Variants in DLGAP1 observed in about 807,000 individuals in gnomAD.
DLGAP1 encodes the protein disks large-associated protein 1.
A neutral mutation model predicts 90.8 loss-of-function variants in DLGAP1; 11 were observed. The observed-to-expected ratio is 0.12, with a 90% confidence interval of 0.08 to 0.20. The LOEUF (loss-of-function observed/expected upper bound fraction) is 0.20, where lower values mean the gene tolerates loss of function less well. Ranked by LOEUF, DLGAP1 falls within the 10% of genes least tolerant of loss-of-function variation. The pLI is 1.00. For missense variants in DLGAP1, 1,050 were observed against 1,333.8 expected (o/e 0.79, Z 3.31); for synonymous variants, 558 against 540.7 (o/e 1.03, Z -0.44).
At chr18:3,821,483 A>G (rs2067414667) in intron 4 of DLGAP1, among the ~76,000 whole-genome samples, 1 of 152,184 alleles carries the variant, frequency 6.6e-6, no homozygotes, top group Non-Finnish European at 1.5e-5. Context: ...CCCACTCAAC[A>G]GTCGTGGTTT....
chr18:3,572,601 C>T (rs557318251), intron 8 of DLGAP1, among the ~76,000 whole-genome samples: 2 of 152,276 alleles, frequency 1.3e-5, no homozygotes, highest in Admixed American at 1.3e-4. Flanking sequence ...AGGCATGTGC[C>T]ATCATGCCTG....
intron 7 of DLGAP1, among the ~76,000 whole-genome samples, chr18:3,674,050 C>T (rs2060198083): frequency 6.6e-6 from 1 of 151,994 alleles, no homozygotes. Context: ...CCATGTTGGC[C>T]AGGCTGGTCT....
At chr18:4,088,292 G>C (rs1219929439) in intron 2 of DLGAP1, among the ~76,000 whole-genome samples, 1 of 152,022 alleles carries the variant, frequency 6.6e-6, no homozygotes, top group Non-Finnish European at 1.5e-5. Context: ...TGCTGCTGTT[G>C]TCAAAAATTT....
At chr18:3,723,828 G>A (rs2062062668) in intron 7 of DLGAP1, among the ~76,000 whole-genome samples, 1 of 152,154 alleles carries the variant, frequency 6.6e-6, no homozygotes, top group Non-Finnish European at 1.5e-5. Flanking sequence ...TCTCAACTTA[G>A]AGGAAAATAT....
chr18:3,650,527 A>C (rs1285902865), intron 7 of DLGAP1, among the ~76,000 whole-genome samples: 1 of 152,220 alleles, frequency 6.6e-6, no homozygotes, highest in Non-Finnish European at 1.5e-5. Flanking sequence ...ACATCTGAGA[A>C]GAGAACATTC....
At chr18:3,774,856 T>G (rs1326914505) in intron 5 of DLGAP1, among the ~76,000 whole-genome samples, 3 of 152,074 alleles carry the variant, frequency 2.0e-5, no homozygotes, top group African/African-American at 7.2e-5. Flanking sequence ...GAAGTTGTTC[T>G]CTAAAGTTCC....
intron 3 of DLGAP1, among the ~76,000 whole-genome samples, chr18:3,994,599 A>G (rs1172218084): frequency 1.3e-5 from 2 of 152,242 alleles, no homozygotes; most frequent in African/African-American, 4.8e-5. Context: ...AGAGGACAGC[A>G]AACCATTTAT....
rs78777988 is a variant in DLGAP1, at chr18:4,084,130, G to C, written c.-159+67050C>G. Among the ~76,000 whole-genome samples the C allele has an allele frequency of 3.8e-3, 578 of 152,226 alleles. 3 individuals are homozygous for C. Among genetic ancestry groups the C allele is most frequent in the African/African-American group, 0.013 (538 of 41,530 alleles). Reference sequence around the variant, plus strand: ...CCAAACTCCTCAAAAAGATGGACTTGAGGTTTCCTCCCATCTCCTGTTTGA... The same window carrying C: ...CCAAACTCCTCAAAAAGATGGACTTCAGGTTTCCTCCCATCTCCTGTTTGA... On this transcript the variant is annotated intron_variant, in intron 2 of 12. Transcript: ENST00000315677. The surrounding 1 kb of genome is among the most constrained non-coding windows in gnomAD (Gnocchi z 4.0).
At chr18:4,409,270 ATTTT>A (rs1234391150) in intron 1 of DLGAP1, among the ~76,000 whole-genome samples, 3 of 152,058 alleles carry the variant, frequency 2.0e-5, no homozygotes, top group Admixed American at 2.0e-4. Flanking sequence ...ACTACAGTTA[ATTTT>A]TTTATTTATT....
At position 4,356,249 on chromosome 18, in the gene DLGAP1, A is replaced by T. The variant is rs548957845; in HGVS notation, c.-267+98757T>A. 3.3e-5 allele frequency among the ~76,000 whole-genome samples: 5 copies of T among 151,936 alleles called. No individual in the cohort carries two copies. In the East Asian group the frequency reaches 9.7e-4, roughly 30 times the overall value. ...TTCCCAGAGACCCATTCCCTTGGTA[A>T]ACTCATCCCGACCCCTAGGCTGAAA... On this transcript the variant is annotated intron_variant, in intron 1 of 12. Coordinates refer to ENST00000315677, the MANE Select transcript of DLGAP1 (RefSeq NM_004746.4).
At chr18:3,839,559 A>C (rs776029352) in intron 4 of DLGAP1, among the ~76,000 whole-genome samples, 1 of 152,190 alleles carries the variant, frequency 6.6e-6, no homozygotes, top group African/African-American at 2.4e-5. Context: ...AAACATGAGC[A>C]CATAAACAGG....
chr18:4,112,304 T>G (rs2075988706), intron 2 of DLGAP1, among the ~76,000 whole-genome samples: 2 of 152,156 alleles, frequency 1.3e-5, no homozygotes, highest in African/African-American at 4.8e-5. Flanking sequence ...TATTTTAATT[T>G]CTTTGAATTT....
chr18:3,570,097 T>C (rs2054679046), intron 8 of DLGAP1, among the ~76,000 whole-genome samples: 1 of 151,982 alleles, frequency 6.6e-6, no homozygotes, highest in Admixed American at 6.6e-5. Flanking sequence ...ATAGCCCAAG[T>C]GGGTAGTATG....
At chr18:3,852,450 A>G (rs1049704690) in intron 4 of DLGAP1, among the ~76,000 whole-genome samples, 16 of 152,196 alleles carry the variant, frequency 1.1e-4, no homozygotes. Flanking sequence ...CAGTATCAAG[A>G]CTCAAGGAAA....
chr18:4,405,895 A>G (rs28589387), intron 1 of DLGAP1, among the ~76,000 whole-genome samples: 9,372 of 152,262 alleles, frequency 0.062, 931 homozygotes, highest in African/African-American at 0.21. Flanking sequence ...AAGTACAAAC[A>G]AAGCAACTAA....
chr18:3,827,525 G>A (rs539240435), intron 4 of DLGAP1, among the ~76,000 whole-genome samples: 134 of 152,296 alleles, frequency 8.8e-4, no homozygotes, highest in Non-Finnish European at 1.7e-3. Flanking sequence ...GGATTCTGCT[G>A]TTCATGAATA....
intron 7 of DLGAP1, among the ~76,000 whole-genome samples, chr18:3,664,275 C>T (rs2059802873): frequency 2.0e-5 from 3 of 151,830 alleles, no homozygotes; most frequent in African/African-American, 4.8e-5. Flanking sequence ...GACTAATACA[C>T]CAACTTCTAG....
At chr18:4,435,354 T>G (rs1223022013) in intron 1 of DLGAP1, among the ~76,000 whole-genome samples, 1 of 152,230 alleles carries the variant, frequency 6.6e-6, no homozygotes, top group Admixed American at 6.5e-5. Context: ...GGATGATGTA[T>G]ATGAAACAGA....
At chr18:3,668,768 C>A (rs910285712) in intron 7 of DLGAP1, among the ~76,000 whole-genome samples, 3 of 152,128 alleles carry the variant, frequency 2.0e-5, no homozygotes, top group African/African-American at 7.2e-5. Flanking sequence ...GAGGCCGAGG[C>A]AGGCAGATCA....
Sources: gnomAD v4.1 joint callset for allele counts (sites outside exome capture counted in the v4.1 genomes callset) on GRCh38, gnomAD v4.1.1 for gene constraint, Gnocchi (gnomAD v3.1) non-coding constraint, MANE v1.5 for transcripts, NCBI Gene and HGNC (gene_info 2026-07-23, HGNC 2026-07-21) for gene names.